The following CHD5 variants were observed in gnomAD, a reference collection of about 807,000 sequenced individuals.
The protein encoded by CHD5 is ATP-dependent chromatin remodeler CHD5.
CHD5 carries 69 observed loss-of-function variants against 230.3 expected under a neutral mutation model. The observed-to-expected ratio is 0.30, with a 90% CI of 0.25 to 0.37. CHD5 has a LOEUF of 0.37. CHD5 is among the 10% of genes least tolerant of loss of function. The probability of loss-of-function intolerance (pLI) is 1.00; values close to 1 mark genes in which losing one functional copy is unlikely to be tolerated. For synonymous variants in CHD5, 1,064 were observed against 1,065.9 expected (o/e 1.00, Z 0.03); for missense variants, 1,827 against 2,622.8 (o/e 0.70, Z 6.63).
intron 15 of CHD5, among the ~76,000 whole-genome samples, chr1:6,140,152 C>T (rs1666805464): frequency 6.6e-6 from 1 of 151,996 alleles, no homozygotes. Context: ...CCTGTAATCC[C>T]AGCACCTTAA....
At chr1:6,171,512 C>T (rs1480518979) in intron 1 of CHD5, among the ~76,000 whole-genome samples, 1 of 152,028 alleles carries the variant, frequency 6.6e-6, no homozygotes, top group Non-Finnish European at 1.5e-5. Flanking sequence ...ACACTGCCCC[C>T]CCCAACACCT....
intron 2 of CHD5, among the ~76,000 whole-genome samples, chr1:6,163,797 T>A (rs1667212522): frequency 6.6e-6 from 1 of 152,184 alleles, no homozygotes; most frequent in South Asian, 2.1e-4. Context: ...ACCCTAAGGT[T>A]TGAGGGCCAT....
In CHD5 at chr1:6,124,668, T is replaced by TC. The variant is rs769553533; in HGVS notation, c.4395-8_4395-7insG. ...GAAGAGGGACACATAGGCTCTGGGG[T>TC]GGGGGGGGGGGACTGGGGCTCAGGG... is the stretch of plus-strand genomic sequence containing the variant. On this transcript the variant is annotated splice_region_variant and splice_polypyrimidine_tract_variant and intron_variant, in intron 29 of 41. Transcript: ENST00000262450. 3 of 426,678 alleles carry TC rather than the reference T, an allele frequency of 7.0e-6. No homozygotes were observed. The highest frequency in any genetic ancestry group is 3.6e-5 in the East Asian group (1 of 27,968). 26.4% of individuals were successfully genotyped at this position (426,678 alleles called of 1,614,324 possible).
rs200617017 is a variant in CHD5, at chr1:6,123,928, G to A, written c.4699+20C>T. 4.9e-4 allele frequency: 693 copies of A among 1,427,630 alleles called. No homozygotes were observed. The highest frequency in any genetic ancestry group is 1.0e-3 in the Middle Eastern group (4 of 3,972). The allele number at this position is 1,427,630 out of a possible 1,614,324, so 88.4% of individuals were successfully genotyped here. A position where few individuals can be genotyped will look rare whatever the true frequency, so the allele number is the denominator to read the frequency against. On this transcript the variant is annotated intron_variant, in intron 31 of 41. Transcript: ENST00000262450. ...TTTCCATGACCCCAGTGCCCTCCCC[G>A]GCCCGCCCAGCCCACAGACCTGGCA... is the stretch of plus-strand genomic sequence containing the variant.
At chr1:6,147,976 A>G (rs541476565) in intron 9 of CHD5, among the ~76,000 whole-genome samples, 7 of 152,036 alleles carry the variant, frequency 4.6e-5, no homozygotes, top group Admixed American at 1.3e-4. Flanking sequence ...GAAGAAGCTG[A>G]GAGGAACCCC....
chr1:6,151,171 G>A lies in CHD5; in HGVS notation c.871-16C>T, dbSNP rs754438674. 5.0e-6 allele frequency: 8 copies of A among 1,597,810 alleles called. No individual in the cohort carries two copies. The Admixed American group carries it at 1.4e-4, about 27-fold the overall frequency. On this transcript the variant is annotated splice_polypyrimidine_tract_variant and intron_variant, in intron 6 of 41. Coordinates refer to ENST00000262450, the MANE Select transcript of CHD5 (RefSeq NM_015557.3). Reference sequence around the variant, plus strand: ...CTTCTTCACTCTGCAGGGGAAGACAGGGTCCTGTGATCCCAGGGCTTCACC... The same window carrying A: ...CTTCTTCACTCTGCAGGGGAAGACAAGGTCCTGTGATCCCAGGGCTTCACC...
At position 6,134,979 on chromosome 1, in the gene CHD5, G is replaced by T; in HGVS notation, c.2871-120C>A. 4 of 1,328,098 alleles carry T rather than the reference G, an allele frequency of 3.0e-6. No homozygotes were observed. In the South Asian group the frequency reaches 4.0e-5, roughly 13 times the overall value. The allele number at this position is 1,328,098 out of a possible 1,614,324, so 82.3% of individuals were successfully genotyped here. ...CACCCATTTACAGAGAGACCCAAGG[G>T]ACCCCCAAGAGGTGAAGCCACCGGC... is the stretch of plus-strand genomic sequence containing the variant. On this transcript the variant is annotated intron_variant, in intron 18 of 41. Transcript: ENST00000262450. The surrounding 1 kb of genome is among the most constrained non-coding windows in gnomAD (Gnocchi z 6.3).
chr1:6,116,998 G>C (rs745766159), intron 33 of CHD5, among the ~76,000 whole-genome samples: 10 of 152,176 alleles, frequency 6.6e-5, no homozygotes, highest in Admixed American at 1.3e-4. Context: ...TAGAGCTAAA[G>C]CTATCTAAAG....
rs949392894 is a variant in CHD5, at chr1:6,167,161, G to A, written c.207+989C>T. ...GCCAGGCCAGTCCCCTCTAGGCGGG[G>A]GAAAGAAAGGTGGAGAGCTGGCCTC... On this transcript the variant is annotated intron_variant, in intron 2 of 41. Coordinates refer to ENST00000262450, the MANE Select transcript of CHD5 (RefSeq NM_015557.3). This position sits in a 1 kb window ranked among gnomAD's most constrained non-coding sequence, Gnocchi z 4.5. 6.6e-6 allele frequency among the ~76,000 whole-genome samples: 1 copy of A among 152,200 alleles called. No individual in the cohort carries two copies. Among genetic ancestry groups the A allele is most frequent in the African/African-American group, 2.4e-5 (1 of 41,442 alleles).
intron 9 of CHD5, 63 bp downstream of exon 9, chr1:6,148,790 TG>T (rs1208846864): frequency 2.4e-5 from 27 of 1,111,690 alleles, no homozygotes; most frequent in African/African-American, 7.1e-5. Flanking sequence ...GGCCTTCCCC[TG>T]GGGGCGGGGC....
intron 33 of CHD5, among the ~76,000 whole-genome samples, chr1:6,114,175 C>T (rs887997886): frequency 3.9e-5 from 6 of 151,980 alleles, no homozygotes; most frequent in African/African-American, 1.5e-4. Context: ...ATCGCTTGAA[C>T]CCGGGAGGCA....
rs1385338654 is a variant in CHD5, at chr1:6,180,169, C to G, written c.-146G>C. On this transcript the variant is annotated 5_prime_UTR_variant, in exon 1 of 42. Transcript: ENST00000262450. The stretch of plus-strand genomic sequence containing the variant: ...GGCGGCCGCCTGCCCCCCCACCCCC[C>G]CAAACCTCCACCCCCCCGTCTCGAC... 86 of 181,706 alleles carry G rather than the reference C, an allele frequency of 4.7e-4. 1 individual carries two copies. Among genetic ancestry groups the G allele is most frequent in the African/African-American group, 2.2e-3 (83 of 37,632 alleles). 11.3% of individuals were successfully genotyped at this position (181,706 alleles called of 1,614,324 possible).
chr1:6,121,539 C>T lies in CHD5; in HGVS notation c.4734G>A (p.Glu1578=). The change falls in exon 32 of 42, where the codon GAG becomes GAA. Residue 1578 remains glutamate, a synonymous_variant. Coordinates refer to ENST00000262450, the MANE Select transcript of CHD5 (RefSeq NM_015557.3). The surrounding 1 kb of genome is among the most constrained non-coding windows in gnomAD (Gnocchi z 4.5). The part of the protein sequence containing the change: ...KMEAQLGYMD[E]KDPGAQKPRQ... ...TTGGCTTCTGTGCCCCGGGGTCTTT[C>T]TCATCCATGTAGCCCAGCTGGGCTT... is the stretch of plus-strand genomic sequence containing the variant. 1.9e-6 allele frequency: 3 copies of T among 1,613,246 alleles called. No homozygotes were observed. The highest frequency in any genetic ancestry group is 2.5e-6 in the Non-Finnish European group (3 of 1,179,670).
chr1:6,142,297 G>A lies in CHD5; in HGVS notation c.2267C>T (p.Ala756Val), dbSNP rs144145989. Residue 756 changes from alanine to valine, a missense_variant, in exon 15 of 42, where the codon GCG becomes GTG. Coordinates refer to ENST00000262450, the MANE Select transcript of CHD5 (RefSeq NM_015557.3). The surrounding 1 kb of genome is among the most constrained non-coding windows in gnomAD (Gnocchi z 5.2). ...GHSKGPYLVS[A>V]PLSTIINWER... is the part of the protein sequence containing the mutation. ...CCAGTTGATGATGGTGGAGAGGGGC[G>A]CGCTAACCAGGTAGGGCCCTTTGGA... 1.6e-4 allele frequency: 261 copies of A among 1,612,348 alleles called. No individual in the cohort carries two copies. The highest frequency in any genetic ancestry group is 2.0e-4 in the Non-Finnish European group (239 of 1,178,564).
At chr1:6,176,020 T>C (rs1389211838) in intron 1 of CHD5, among the ~76,000 whole-genome samples, 2 of 152,110 alleles carry the variant, frequency 1.3e-5, no homozygotes, top group Non-Finnish European at 2.9e-5. Flanking sequence ...GGATGGATGA[T>C]GGGTGAGCGA....
intron 33 of CHD5, among the ~76,000 whole-genome samples, chr1:6,115,456 T>C (rs1666365287): frequency 6.6e-6 from 1 of 152,268 alleles, no homozygotes; most frequent in African/African-American, 2.4e-5. Context: ...GGAGATGACC[T>C]GAGTAGGCCT....
Position 6,136,798 on chromosome 1 carries a change from A to G in CHD5, c.2504T>C (p.Ile835Thr). The G allele has an allele frequency of 1.2e-6, 2 of 1,613,910 alleles. No individual in the cohort carries two copies. The highest frequency in any genetic ancestry group is 1.7e-6 in the Non-Finnish European group (2 of 1,179,828). ...GCAGGCCCACTCGATGGAGCCCAGG[A>G]TGGCCTGGTCAATGGTGATGAGCTC... ...SYELITIDQA[I>T]LGSIEWACLV... The change falls in exon 16 of 42, where the codon ATC becomes ACC. Residue 835 changes from isoleucine (I) to threonine (T), a missense_variant. Coordinates refer to ENST00000262450, the MANE Select transcript of CHD5 (RefSeq NM_015557.3).
In CHD5 at chr1:6,106,477, G is replaced by A. The variant is rs749040881; in HGVS notation, c.5775C>T (p.Asn1925=). ...GGCCCCGGAAGTTGGGCCCAAAGTT[G>A]TTGCTGTACATCTGGGAGGAGCCGA... ...GAFGSSQMYS[N]NFGPNFRGPG... The change falls in exon 40 of 42, where the codon AAC becomes AAT. Residue 1925 remains asparagine, a synonymous_variant. Coordinates refer to ENST00000262450, the MANE Select transcript of CHD5 (RefSeq NM_015557.3). The A allele has an allele frequency of 1.9e-6, 3 of 1,556,708 alleles. No homozygotes were observed. The South Asian group carries it at 3.5e-5, about 18-fold the overall frequency.
rs1278549165 is a variant in CHD5, at chr1:6,123,463, TC to T, written c.4699+484del. Among the ~76,000 whole-genome samples the T allele has an allele frequency of 4.0e-5, 6 of 151,744 alleles. No individual in the cohort carries two copies. In the East Asian group the frequency reaches 1.2e-3, roughly 30 times the overall value. On this transcript the variant is annotated intron_variant, in intron 31 of 41. Transcript: ENST00000262450. ...TTTTTTGAGATGGAGTCTTGCTTTG[TC>T]CCCCCAGGCTGGAGTGCAGTGGTGT...
Sources: gnomAD v4.1 joint callset for allele counts (sites outside exome capture counted in the v4.1 genomes callset) on GRCh38, gnomAD v4.1.1 for gene constraint, Gnocchi (gnomAD v3.1) non-coding constraint, MANE v1.5 for transcripts, NCBI Gene and HGNC (gene_info 2026-07-23, HGNC 2026-07-21) for gene names.